The following CCPG1 variants were observed in gnomAD, a reference collection of about 807,000 sequenced individuals.
The protein encoded by CCPG1 is cell cycle progression 1.
A neutral mutation model predicts 81.3 loss-of-function variants in CCPG1; 46 were observed. The observed-to-expected ratio is 0.57, with a 90% CI of 0.45 to 0.72. The LOEUF (loss-of-function observed/expected upper bound fraction) is 0.72. CCPG1 is among the 30% of genes least tolerant of loss of function. The pLI is 0.00. For synonymous variants in CCPG1, 330 were observed against 305.2 expected (o/e 1.08, Z -0.85); for missense variants, 902 against 937.6 (o/e 0.96, Z 0.50).
At chr15:55,386,015 T>C (rs1331153835) in intron 2 of CCPG1, among the ~76,000 whole-genome samples, 1 of 152,190 alleles carries the variant, frequency 6.6e-6, no homozygotes, top group Non-Finnish European at 1.5e-5. Flanking sequence ...AATTTGGTTA[T>C]TTCTATAATA....
rs189328689 is a variant in CCPG1 at position 55,406,315 on chromosome 15, T to A, written c.-10+1906A>T. ...TGCTGTTAATACTTGCATCCTTTTT[T>A]AAAAGTTTTTTCTACAGAAAACTTG... On this transcript the variant is annotated intron_variant, in intron 1 of 8. Transcript: ENST00000442196. 1.1e-4 allele frequency among the ~76,000 whole-genome samples: 17 copies of A among 152,160 alleles called. No individual in the cohort carries two copies. In the East Asian group the frequency reaches 1.2e-3, roughly 10 times the overall value.
intron 7 of CCPG1, among the ~76,000 whole-genome samples, chr15:55,361,238 G>C (rs2141244265): frequency 6.6e-6 from 1 of 151,450 alleles, no homozygotes; most frequent in Non-Finnish European, 1.5e-5. Context: ...CGCAATCTCG[G>C]CTCACTATAA....
chr15:55,372,025 A>T lies in CCPG1; in HGVS notation c.474T>A (p.Ser158Arg). Reference protein sequence around the residue: ...QPETVFSSQPSDDESSSDETS... With the variant: ...QPETVFSSQPRDDESSSDETS... The stretch of plus-strand genomic sequence containing the variant: ...TTTCATCACTACTTGATTCATCGTC[A>T]CTAGGCTGAGATGAAAATACTATTA... Residue 158 changes from serine to arginine, a missense_variant, in exon 6 of 9, where the codon AGT becomes AGA. By Grantham distance (110) the Ser-to-Arg change is moderately radical (BLOSUM62 -1). Around this residue, in one of 3 missense-constraint regions of CCPG1, gnomAD observed 746 missense variants for 728.6 expected, o/e 1.02. Transcript: ENST00000442196. 1 of 1,613,786 alleles carries T rather than the reference A, an allele frequency of 6.2e-7. No homozygotes were observed. Among genetic ancestry groups the T allele is most frequent in the East Asian group, 2.2e-5 (1 of 44,880 alleles).
intron 5 of CCPG1, chr15:55,374,325 A>T: frequency 2.7e-6 from 2 of 731,956 alleles, no homozygotes; most frequent in Non-Finnish European, 4.0e-6. Context: ...AAGAATTAAA[A>T]ATACTTAATT....
chr15:55,389,266 C>G (rs1022403986), intron 2 of CCPG1, 99 bp downstream of exon 2: 1 of 858,754 alleles, frequency 1.2e-6, no homozygotes, highest in Non-Finnish European at 1.9e-6. Flanking sequence ...GAACTTTTTG[C>G]TTAAAGGTAG....
intron 5 of CCPG1, chr15:55,372,466 G>T (rs879486480): frequency 2.0e-5 from 4 of 203,416 alleles, no homozygotes; most frequent in Non-Finnish European, 3.0e-5. Context: ...TTCGAGATCA[G>T]CCTGGCCAAC....
intron 8 of CCPG1, chr15:55,357,010 G>T (rs559001686): frequency 1.5e-5 from 15 of 985,158 alleles, no homozygotes; most frequent in Non-Finnish European, 1.6e-5. Flanking sequence ...GATTTTCAAG[G>T]TACCACTCCC....
chr15:55,356,363 G>A lies in CCPG1; in HGVS notation c.2281C>T (p.His761Tyr). The change falls in exon 9 of 9, where the codon CAT becomes TAT. Residue 761 changes from histidine (H) to tyrosine (Y), a missense_variant. By Grantham distance (83) the His-to-Tyr change is moderately conservative. Coordinates refer to ENST00000442196, the MANE Select transcript of CCPG1 (RefSeq NM_001204450.2). ...AGGTGCTTCTGCTCTTGTTTTCGAT[G>A]CCTGGAGTTTTCAATATTTACCATA... ...QRMVNIENSR[H>Y]RKQEQKHLQP... The A allele has an allele frequency of 6.5e-7, 1 of 1,535,090 alleles. No individual in the cohort carries two copies. The highest frequency in any genetic ancestry group is 8.7e-7 in the Non-Finnish European group (1 of 1,146,712).
intron 1 of CCPG1, among the ~76,000 whole-genome samples, chr15:55,405,042 T>C (rs2057191129): frequency 6.6e-6 from 1 of 151,864 alleles, no homozygotes; most frequent in Non-Finnish European, 1.5e-5. Context: ...CCGGCTAACA[T>C]GGCAAAACCC....
intron 2 of CCPG1, among the ~76,000 whole-genome samples, chr15:55,387,736 G>A (rs369225402): frequency 1.3e-5 from 2 of 151,238 alleles, no homozygotes; most frequent in East Asian, 4.0e-4. Context: ...TAGAGACCGG[G>A]TTTCTTCCAT....
chr15:55,384,276 G>A (rs1254421335), intron 3 of CCPG1, among the ~76,000 whole-genome samples: 1 of 152,122 alleles, frequency 6.6e-6, no homozygotes, highest in Admixed American at 6.6e-5. Flanking sequence ...CACGGTTCAT[G>A]GTGTCCCAAA....
At chr15:55,376,634 T>C (rs1244094230) in intron 5 of CCPG1, among the ~76,000 whole-genome samples, 2 of 152,110 alleles carry the variant, frequency 1.3e-5, no homozygotes, top group Non-Finnish European at 2.9e-5. Context: ...ACATCCCCAA[T>C]CTCCCACTCT....
chr15:55,390,143 C>T (rs1216289294), intron 1 of CCPG1, among the ~76,000 whole-genome samples: 1 of 152,086 alleles, frequency 6.6e-6, no homozygotes, highest in Non-Finnish European at 1.5e-5. Flanking sequence ...AGGCTGGTCG[C>T]GAACTCCTGA....
At chr15:55,361,898 T>G (rs1160213180) in intron 7 of CCPG1, among the ~76,000 whole-genome samples, 1 of 152,182 alleles carries the variant, frequency 6.6e-6, no homozygotes, top group East Asian at 1.9e-4. Context: ...ATAACCATGT[T>G]AGAAGACAGA....
At position 55,383,494 on chromosome 15, in the gene CCPG1, GA is replaced by G. The variant is rs143856895; in HGVS notation, c.175+2105del. ...TAACAAGAAAGTGAGCTTGTTCTTT[GA>G]AGCCTAGAAGCAGATATTGACTTCT... On this transcript the variant is annotated intron_variant, in intron 3 of 8. Transcript: ENST00000442196. Among the ~76,000 whole-genome samples the G allele has an allele frequency of 7.5e-3, 1,143 of 152,310 alleles. 13 individuals are homozygous for G. The highest frequency in any genetic ancestry group is 0.023 in the African/African-American group (968 of 41,570).
At chr15:55,358,295 T>C in intron 8 of CCPG1, 1 of 776,682 alleles carries the variant, frequency 1.3e-6, no homozygotes, top group Non-Finnish European at 1.6e-6. Flanking sequence ...TATAGAATTA[T>C]GTTCTATCCC....
intron 1 of CCPG1, among the ~76,000 whole-genome samples, chr15:55,406,239 G>A (rs2057217335): frequency 6.7e-6 from 1 of 149,692 alleles, no homozygotes; most frequent in South Asian, 2.1e-4. Flanking sequence ...TTTGCATAAG[G>A]GTGGGGCTTT....
intron 6 of CCPG1, among the ~76,000 whole-genome samples, chr15:55,366,526 C>A (rs1216232093): frequency 6.6e-6 from 1 of 152,140 alleles, no homozygotes; most frequent in African/African-American, 2.4e-5. Context: ...AATCCCAGCA[C>A]TTTGGGAGGC....
Position 55,371,738 on chromosome 15 carries a change from A to G in CCPG1, c.706+55T>C, listed in dbSNP as rs982183631. The G allele has an allele frequency of 1.9e-6, 3 of 1,541,326 alleles. No homozygotes were observed. The African/African-American group carries it at 4.1e-5, about 21-fold the overall frequency. On this transcript the variant is annotated intron_variant, in intron 6 of 8. Transcript: ENST00000442196. ...ACAGATCCCAAGAGTCCTCACTCTT[A>G]AGTTCCTCTACACTATCCCATCAGG...
Sources: allele counts gnomAD v4.1 joint callset (sites outside exome capture counted in the v4.1 genomes callset), GRCh38; gene constraint gnomAD v4.1.1; regional missense constraint gnomAD v4.1.1; transcripts MANE v1.5; gene names NCBI Gene and HGNC (gene_info 2026-07-23, HGNC 2026-07-21).